Variants in FOXP2 observed in about 807,000 individuals in gnomAD.
FOXP2 encodes the protein forkhead box protein P2.
In FOXP2, 12 loss-of-function variants were observed where a neutral mutation model predicts 115.8. The observed-to-expected ratio is 0.10, with a 90% confidence interval of 0.07 to 0.17. The LOEUF is 0.17. Ranked by LOEUF, FOXP2 falls within the 10% of genes least tolerant of loss-of-function variation. FOXP2 has a pLI of 1.00. For synonymous variants in FOXP2, 328 were observed against 297.7 expected, an observed-to-expected ratio of 1.10 and a Z score of -1.05; for missense variants, 629 against 843.5, an observed-to-expected ratio of 0.75 and a Z score of 3.15.
At chr7:114,178,332 T>C (rs748213766) in intron 1 of FOXP2, among the ~76,000 whole-genome samples, 1 of 151,916 alleles carries the variant, frequency 6.6e-6, no homozygotes, top group African/African-American at 2.4e-5. Context: ...ATGATAGTTA[T>C]TTTTTTCCTA....
chr7:114,308,340 G>A (rs974116876), intron 2 of FOXP2, among the ~76,000 whole-genome samples: 1 of 151,950 alleles, frequency 6.6e-6, no homozygotes, highest in East Asian at 1.9e-4. Context: ...AGTATACAAG[G>A]GACTGAACTA....
At chr7:114,648,957 C>G (rs997787872) in intron 8 of FOXP2, among the ~76,000 whole-genome samples, 37 of 152,024 alleles carry the variant, frequency 2.4e-4, no homozygotes, top group Middle Eastern at 3.2e-3. Flanking sequence ...TGGAGCTAAC[C>G]AGAATTCCAG....
intron 1 of FOXP2, among the ~76,000 whole-genome samples, chr7:114,286,065 A>G (rs1527158): frequency 0.64 from 97,482 of 151,502 alleles, 32,255 homozygotes; most frequent in Middle Eastern, 0.8. Flanking sequence ...AATCTCTCAG[A>G]AATTCAAATT....
chr7:114,099,408 T>G (rs1052669912), intron 1 of FOXP2, among the ~76,000 whole-genome samples: 1 of 152,146 alleles, frequency 6.6e-6, no homozygotes, highest in African/African-American at 2.4e-5. Context: ...AAGGCACCTC[T>G]TGTCCGCTTT....
intron 1 of FOXP2, among the ~76,000 whole-genome samples, chr7:114,245,628 C>T (rs529556208): frequency 1.3e-5 from 2 of 152,274 alleles, no homozygotes; most frequent in East Asian, 3.9e-4. Flanking sequence ...ATTTGCTTGG[C>T]ATTTTAGTTC....
chr7:114,527,567 C>G (rs1345316258), intron 2 of FOXP2, among the ~76,000 whole-genome samples: 1 of 152,134 alleles, frequency 6.6e-6, no homozygotes, highest in Non-Finnish European at 1.5e-5. Flanking sequence ...TTTTGGAAAT[C>G]TGTTGTCAGT....
chr7:114,135,858 A>G (rs936067194), intron 1 of FOXP2, among the ~76,000 whole-genome samples: 1 of 152,050 alleles, frequency 6.6e-6, no homozygotes, highest in Non-Finnish European at 1.5e-5. Context: ...TTTCCTTCCT[A>G]GTTCTCACCC....
intron 1 of FOXP2, among the ~76,000 whole-genome samples, chr7:114,103,982 T>C (rs1791052137): frequency 2.0e-5 from 3 of 151,996 alleles, no homozygotes; most frequent in South Asian, 2.1e-4. Flanking sequence ...CATTCTTCTA[T>C]ACTATAATAC....
chr7:114,309,051 G>A (rs886094188), intron 2 of FOXP2, among the ~76,000 whole-genome samples: 20 of 152,172 alleles, frequency 1.3e-4, no homozygotes, highest in African/African-American at 4.8e-4. Context: ...GTATTTTTAA[G>A]AGTGTATAGC....
At chr7:114,116,173 C>T (rs1207780860) in intron 1 of FOXP2, among the ~76,000 whole-genome samples, 2 of 152,134 alleles carry the variant, frequency 1.3e-5, no homozygotes, top group Non-Finnish European at 2.9e-5. Context: ...ATGCCAACTG[C>T]AGGATAAACC....
At chr7:114,604,362 TTG>T (rs1803193582) in intron 3 of FOXP2, among the ~76,000 whole-genome samples, 1 of 152,182 alleles carries the variant, frequency 6.6e-6, no homozygotes, top group South Asian at 2.1e-4. Flanking sequence ...ATACAAATTT[TTG>T]TGTGGATGTA....
intron 2 of FOXP2, among the ~76,000 whole-genome samples, chr7:114,480,389 C>T (rs1796473041): frequency 6.6e-6 from 1 of 151,320 alleles, no homozygotes; most frequent in Non-Finnish European, 1.5e-5. Flanking sequence ...GCAACAAGTC[C>T]ATATTCACAA....
At chr7:114,663,561 GCT>G (rs1491214104) in intron 15 of FOXP2, 42 bp downstream of exon 15, 8 of 1,395,590 alleles carry the variant, frequency 5.7e-6, no homozygotes, top group Admixed American at 2.1e-5. Flanking sequence ...AATGTTTAGG[GCT>G]TTTTTTTTTT....
chr7:114,176,813 A>G (rs1051512281), intron 1 of FOXP2, among the ~76,000 whole-genome samples: 3 of 151,990 alleles, frequency 2.0e-5, no homozygotes, highest in African/African-American at 7.2e-5. Flanking sequence ...ATTTGTTTGT[A>G]CTCTAAAAGT....
rs960800211 is a variant in FOXP2, at chr7:114,380,440, C to G, written c.-10-46062C>G. On this transcript the variant is annotated intron_variant, in intron 2 of 17. Coordinates refer to the FOXP2 transcript ENST00000634411. Reference sequence around the variant, plus strand: ...CCATTATCACTGACCACTGCATACCCCACTTTTCGAAGTCCTTTTTCTACA... The same window carrying G: ...CCATTATCACTGACCACTGCATACCGCACTTTTCGAAGTCCTTTTTCTACA... Among the ~76,000 whole-genome samples the G allele has an allele frequency of 2.6e-5, 4 of 152,266 alleles. No homozygotes were observed. The East Asian group carries it at 7.7e-4, about 29-fold the overall frequency.
intron 1 of FOXP2, among the ~76,000 whole-genome samples, chr7:114,232,502 T>C (rs1191303277): frequency 3.3e-5 from 5 of 152,126 alleles, no homozygotes; most frequent in African/African-American, 4.8e-5. Flanking sequence ...GAAATTATGG[T>C]ATTTACATAC....
chr7:114,645,853 T>C (rs1021981339), intron 8 of FOXP2: 2 of 152,042 alleles, frequency 1.3e-5, no homozygotes, highest in African/African-American at 2.4e-5. Flanking sequence ...TCCACAAAGA[T>C]TTTTTTAACC....
chr7:114,658,306 G>T, intron 11 of FOXP2, 39 bp downstream of exon 11: 1 of 1,601,356 alleles, frequency 6.2e-7, no homozygotes, highest in South Asian at 1.1e-5. Flanking sequence ...TTTACTTTGG[G>T]AGAGGAAAAC....
chr7:114,628,860 T>A (rs1804737817), intron 4 of FOXP2, 183 bp downstream of exon 4: 2 of 700,888 alleles, frequency 2.9e-6, no homozygotes, highest in East Asian at 5.8e-5. Flanking sequence ...TTGCTTATTT[T>A]TTTAAAAAAA....
Sources: gnomAD v4.1 joint callset for allele counts (sites outside exome capture counted in the v4.1 genomes callset) on GRCh38, gnomAD v4.1.1 for gene constraint, MANE v1.5 for transcripts, NCBI Gene and HGNC (gene_info 2026-07-23, HGNC 2026-07-21) for gene names.